AFF3: variants seen among roughly 807,000 people sequenced by gnomAD.
AFF3 encodes the protein ALF transcription elongation factor 3, also known as AF4/FMR2 family member 3.
A neutral mutation model predicts 129.7 loss-of-function variants in AFF3; 32 were observed. The ratio of observed to expected loss-of-function variants is 0.25; its 90% CI spans 0.19 to 0.33. The LOEUF is 0.33. AFF3 is among the 10% of genes least tolerant of loss of function. The pLI is 1.00. For synonymous variants in AFF3, 644 were observed against 635.4 expected, an observed-to-expected ratio of 1.01 and a Z score of -0.20; for missense variants, 1,373 against 1,592.0, an observed-to-expected ratio of 0.86 and a Z score of 2.34.
intron 7 of AFF3, among the ~76,000 whole-genome samples, chr2:99,898,383 G>T (rs1576306080): frequency 6.6e-6 from 1 of 152,206 alleles, no homozygotes; most frequent in Admixed American, 6.5e-5. Flanking sequence ...CCGAGAGAGA[G>T]TGGGTACCAC....
chr2:99,576,223 A>G (rs1282698478), intron 18 of AFF3, among the ~76,000 whole-genome samples: 1 of 151,550 alleles, frequency 6.6e-6, no homozygotes, highest in African/African-American at 2.4e-5. Flanking sequence ...AGTAGAGACA[A>G]GATTTCACCA....
At chr2:100,037,811 A>G (rs949240785) in intron 4 of AFF3, among the ~76,000 whole-genome samples, 2 of 138,310 alleles carry the variant, frequency 1.4e-5, no homozygotes, top group Non-Finnish European at 3.1e-5. Flanking sequence ...TATAATATAT[A>G]AAATATATAA....
At chr2:100,103,746 A>G (rs1475586283) in intron 4 of AFF3, among the ~76,000 whole-genome samples, 1 of 151,822 alleles carries the variant, frequency 6.6e-6, no homozygotes, top group Non-Finnish European at 1.5e-5. Context: ...GGGGAGGAGG[A>G]GTGCAACTGT....
intron 12 of AFF3, among the ~76,000 whole-genome samples, chr2:99,670,886 T>C (rs1312649526): frequency 4.6e-5 from 7 of 152,206 alleles, no homozygotes; most frequent in African/African-American, 1.7e-4. Context: ...ATCTGACCTG[T>C]ACATTCATAA....
chr2:99,816,054 T>C (rs1687208253), intron 8 of AFF3, among the ~76,000 whole-genome samples: 1 of 152,098 alleles, frequency 6.6e-6, no homozygotes, highest in African/African-American at 2.4e-5. Context: ...TTTTTTTTTT[T>C]TAAATCTCAT....
chr2:99,656,935 T>C (rs1558707947), intron 12 of AFF3, among the ~76,000 whole-genome samples: 1 of 152,138 alleles, frequency 6.6e-6, no homozygotes, highest in Non-Finnish European at 1.5e-5. Context: ...ATATAATTTA[T>C]CATCCAAATA....
intron 11 of AFF3, among the ~76,000 whole-genome samples, chr2:99,724,038 G>A (rs1679138055): frequency 6.6e-6 from 1 of 152,026 alleles, no homozygotes; most frequent in Non-Finnish European, 1.5e-5. Flanking sequence ...CCAGAACCAT[G>A]AGAAAATAAA....
chr2:99,920,032 CTAAA>C (rs1379055939), intron 7 of AFF3, among the ~76,000 whole-genome samples: 3 of 151,968 alleles, frequency 2.0e-5, no homozygotes, highest in Non-Finnish European at 4.4e-5. Flanking sequence ...TATAGAAAAT[CTAAA>C]TAACTCTATA....
At chr2:99,561,349 G>A (rs2104576047) in intron 20 of AFF3, among the ~76,000 whole-genome samples, 1 of 152,338 alleles carries the variant, frequency 6.6e-6, no homozygotes, top group Admixed American at 6.5e-5. Context: ...ATGCAGACTT[G>A]TAGCATTTTT....
intron 7 of AFF3, among the ~76,000 whole-genome samples, chr2:99,962,364 A>T (rs1274870788): frequency 6.6e-6 from 1 of 152,206 alleles, no homozygotes; most frequent in Non-Finnish European, 1.5e-5. Context: ...AGGAGATGAT[A>T]AAAAATCACC....
intron 2 of AFF3, chr2:100,110,067 C>T (rs1691463564): frequency 6.6e-6 from 1 of 152,216 alleles, no homozygotes; most frequent in Non-Finnish European, 1.5e-5. Flanking sequence ...GAGTGAGGCG[C>T]TCCTTGTCTC....
chr2:99,703,072 A>G (rs1237411357), intron 11 of AFF3, among the ~76,000 whole-genome samples: 1 of 152,242 alleles, frequency 6.6e-6, no homozygotes, highest in Non-Finnish European at 1.5e-5. Flanking sequence ...TGGTAGCTTA[A>G]AACACCACAA....
chr2:99,596,489 T>A (rs956181516), intron 14 of AFF3, among the ~76,000 whole-genome samples: 1 of 151,938 alleles, frequency 6.6e-6, no homozygotes, highest in African/African-American at 2.4e-5. Flanking sequence ...TGCCTCAGCT[T>A]CCCTAGACAA....
intron 11 of AFF3, among the ~76,000 whole-genome samples, chr2:99,718,535 G>A (rs780703267): frequency 2.7e-5 from 4 of 145,908 alleles, no homozygotes; most frequent in Non-Finnish European, 3.1e-5. Context: ...TACTTGTTTA[G>A]TAGTAGTCCT....
chr2:99,884,005 G>C (rs1303788937), intron 7 of AFF3, among the ~76,000 whole-genome samples: 4 of 152,134 alleles, frequency 2.6e-5, no homozygotes, highest in Admixed American at 2.6e-4. Flanking sequence ...CAAATGAAGA[G>C]AGGAAATTTG....
chr2:99,608,048 C>T (rs190674073), intron 13 of AFF3, among the ~76,000 whole-genome samples: 1 of 152,162 alleles, frequency 6.6e-6, no homozygotes, highest in Non-Finnish European at 1.5e-5. Context: ...AGAATGATTT[C>T]TCTATACAAC....
Position 99,919,409 on chromosome 2 carries a change from A to G in AFF3, c.874-81885T>C, listed in dbSNP as rs146838786. The stretch of plus-strand genomic sequence containing the variant: ...TTGCCAGTTCTAGAATGGGTTGTCG[A>G]ATACGGGATGGCTCCTTCTATGAAC... On this transcript the variant is annotated intron_variant, in intron 7 of 24. Coordinates refer to ENST00000672756, the MANE Select transcript of AFF3 (RefSeq NM_001386135.1). 7.4e-4 allele frequency among the ~76,000 whole-genome samples: 112 copies of G among 152,268 alleles called. 3 individuals are homozygous for G. In the East Asian group the frequency reaches 0.014, roughly 20 times the overall value.
At chr2:99,935,439 A>G (rs1674439068) in intron 7 of AFF3, among the ~76,000 whole-genome samples, 2 of 152,304 alleles carry the variant, frequency 1.3e-5, no homozygotes, top group South Asian at 2.1e-4. Flanking sequence ...GGGAGCAGGT[A>G]TTTTCTTTAA....
intron 4 of AFF3, among the ~76,000 whole-genome samples, chr2:100,018,756 G>A (rs1286150654): frequency 3.9e-5 from 6 of 151,932 alleles, no homozygotes; most frequent in Non-Finnish European, 8.8e-5. Context: ...TTAACCAAAT[G>A]AGACCCACTT....
Sources: gnomAD v4.1 joint callset for allele counts (sites outside exome capture counted in the v4.1 genomes callset) on GRCh38, gnomAD v4.1.1 for gene constraint, MANE v1.5 for transcripts, NCBI Gene and HGNC (gene_info 2026-07-23, HGNC 2026-07-21) for gene names.